FBXO16: variants seen among roughly 807,000 people sequenced by gnomAD.
FBXO16 encodes F-box protein 16.
Under a neutral mutation model 41.0 loss-of-function variants are expected in FBXO16, and 31 were observed. That is an observed-to-expected ratio of 0.76 (90% CI 0.57 to 1.02). FBXO16 has a LOEUF of 1.02. Ranked by LOEUF, FBXO16 falls within the 50% of genes least tolerant of loss-of-function variation. The pLI is 0.00. For missense variants in FBXO16, 361 were observed against 346.2 expected, an observed-to-expected ratio of 1.04 and a Z score of -0.34; for synonymous variants, 133 against 117.8, an observed-to-expected ratio of 1.13 and a Z score of -0.84.
chr8:28,459,568 C>T (rs1046818756), intron 4 of FBXO16, among the ~76,000 whole-genome samples: 1 of 150,022 alleles, frequency 6.7e-6, no homozygotes, highest in African/African-American at 2.5e-5. Context: ...TGCAGTGAGC[C>T]GAGATCGAGC....
chr8:28,476,030 C>T (rs1021645119), intron 2 of FBXO16, among the ~76,000 whole-genome samples: 19 of 152,168 alleles, frequency 1.2e-4, no homozygotes, highest in African/African-American at 4.6e-4. Flanking sequence ...GACTTCCAGC[C>T]TTACATTCTT....
chr8:28,454,920 C>T (rs1803015328), intron 5 of FBXO16, among the ~76,000 whole-genome samples: 2 of 148,960 alleles, frequency 1.3e-5, no homozygotes, highest in South Asian at 2.1e-4. Flanking sequence ...TTGTTAAATG[C>T]TTTTGTTTGG....
chr8:28,455,037 C>T (rs1803016812), intron 5 of FBXO16, among the ~76,000 whole-genome samples: 1 of 151,568 alleles, frequency 6.6e-6, no homozygotes, highest in Non-Finnish European at 1.5e-5. Flanking sequence ...ATATGTGCTA[C>T]TGAAACATGC....
chr8:28,486,901 G>A (rs1803611682), intron 1 of FBXO16, among the ~76,000 whole-genome samples: 1 of 151,970 alleles, frequency 6.6e-6, no homozygotes, highest in African/African-American at 2.4e-5. Context: ...AGAGCTACAT[G>A]GCTCTTGAAG....
chr8:28,441,910 A>ATG (rs1175392833), intron 7 of FBXO16, among the ~76,000 whole-genome samples: 6,614 of 107,726 alleles, frequency 0.061, 229 homozygotes, highest in South Asian at 0.089. Context: ...GTATATATAT[A>ATG]TGTGTGTGTG....
At chr8:28,459,623 A>AAAC (rs71222553) in intron 4 of FBXO16, among the ~76,000 whole-genome samples, 5 of 137,884 alleles carry the variant, frequency 3.6e-5, no homozygotes, top group African/African-American at 1.3e-4. Context: ...CCTGTCTCAA[A>AAAC]AATAATAATA....
intron 3 of FBXO16, among the ~76,000 whole-genome samples, chr8:28,470,209 A>G (rs532420870): frequency 4.6e-5 from 7 of 152,172 alleles, no homozygotes; most frequent in Non-Finnish European, 2.9e-5. Context: ...AAAAAAAATA[A>G]AGTCATAATA....
rs1803009433 is a variant in FBXO16 at position 28,454,685 on chromosome 8, G to A, written c.507+2081C>T. Among the ~76,000 whole-genome samples the A allele has an allele frequency of 2.9e-5, 4 of 136,702 alleles. No individual in the cohort carries two copies. In the South Asian group the frequency reaches 9.0e-4, roughly 31 times the overall value. 89.7% of individuals were successfully genotyped at this position (136,702 alleles called of 152,430 possible). A position where few individuals can be genotyped will look rare whatever the true frequency, so the allele number is the denominator to read the frequency against. ...GGAGCTTGCAGTGAGCCGAGATGGCGCCACTGCACTCCAGCCTGGGCGACA... is the reference window on the plus strand; with the variant it reads ...GGAGCTTGCAGTGAGCCGAGATGGCACCACTGCACTCCAGCCTGGGCGACA... On this transcript the variant is annotated intron_variant, in intron 5 of 8. Transcript: ENST00000380254.
At chr8:28,458,548 T>C (rs1044291157) in intron 4 of FBXO16, among the ~76,000 whole-genome samples, 2 of 122,910 alleles carry the variant, frequency 1.6e-5, no homozygotes, top group African/African-American at 7.0e-5. Flanking sequence ...CTTCTTCTTT[T>C]TTTTTTTTTT....
intron 5 of FBXO16, among the ~76,000 whole-genome samples, chr8:28,455,223 A>C (rs1051800645): frequency 3.3e-5 from 5 of 149,788 alleles, no homozygotes; most frequent in Admixed American, 2.0e-4. Context: ...TTACAGGTGC[A>C]TGCCACCATG....
intron 4 of FBXO16, among the ~76,000 whole-genome samples, chr8:28,459,313 T>TGGTTGCATAATAATGCATCATA (rs1479745396): frequency 6.6e-6 from 1 of 152,162 alleles, no homozygotes; most frequent in Non-Finnish European, 1.5e-5. Flanking sequence ...TGTTTACTAA[T>TGGTTGCATAATAATGCATCATA]GGTTGCATAA....
intron 7 of FBXO16, among the ~76,000 whole-genome samples, chr8:28,439,412 C>T (rs1471561853): frequency 6.6e-6 from 1 of 152,092 alleles, no homozygotes; most frequent in African/African-American, 2.4e-5. Context: ...ATTTTTGGTT[C>T]TGCACATTCA....
At chr8:28,454,584 C>G (rs945481734) in intron 5 of FBXO16, among the ~76,000 whole-genome samples, 4 of 151,070 alleles carry the variant, frequency 2.6e-5, no homozygotes, top group Non-Finnish European at 5.9e-5. Context: ...AAAAATTAGC[C>G]GGGCATGGTG....
intron 3 of FBXO16, among the ~76,000 whole-genome samples, chr8:28,469,297 G>C (rs1003976682): frequency 6.6e-6 from 1 of 150,544 alleles, no homozygotes; most frequent in Non-Finnish European, 1.5e-5. Context: ...TGGGCAACAA[G>C]AGCGAAACCC....
intron 1 of FBXO16, among the ~76,000 whole-genome samples, chr8:28,488,779 C>T (rs1329861020): frequency 1.3e-5 from 2 of 152,132 alleles, no homozygotes; most frequent in Non-Finnish European, 2.9e-5. Context: ...TTCAGAGGTT[C>T]ACTGACAGCT....
intron 7 of FBXO16, among the ~76,000 whole-genome samples, chr8:28,430,107 C>T (rs768206275): frequency 2.0e-5 from 3 of 152,190 alleles, no homozygotes; most frequent in East Asian, 1.9e-4. Context: ...GGGTCTCACT[C>T]GGTCTCCAAG....
intron 2 of FBXO16, among the ~76,000 whole-genome samples, chr8:28,481,850 G>A (rs904844827): frequency 5.3e-5 from 8 of 151,316 alleles, no homozygotes; most frequent in Non-Finnish European, 1.2e-4. Flanking sequence ...CTGAGCATTC[G>A]TGACTTGGGC....
intron 7 of FBXO16, among the ~76,000 whole-genome samples, chr8:28,432,528 C>A (rs964866773): frequency 1.3e-5 from 2 of 152,040 alleles, no homozygotes; most frequent in African/African-American, 4.8e-5. Flanking sequence ...CAAATTAATA[C>A]AGGAAGAACT....
At chr8:28,447,513 G>A (rs1802884425) in intron 6 of FBXO16, 2 of 461,736 alleles carry the variant, frequency 4.3e-6, no homozygotes, top group South Asian at 4.9e-5. Context: ...TTCAACTGTG[G>A]AAGGATCTCC....
Sources: allele counts gnomAD v4.1 joint callset (sites outside exome capture counted in the v4.1 genomes callset), GRCh38; gene constraint gnomAD v4.1.1; transcripts MANE v1.5; gene names NCBI Gene and HGNC (gene_info 2026-07-23, HGNC 2026-07-21).